Variants in GPHN observed in about 807,000 individuals in gnomAD.
GPHN encodes gephyrin.
A neutral mutation model predicts 95.5 loss-of-function variants in GPHN; 17 were observed. The ratio of observed to expected loss-of-function variants is 0.18; its 90% confidence interval spans 0.12 to 0.27. The LOEUF (loss-of-function observed/expected upper bound fraction) is 0.27, where lower values mean the gene tolerates loss of function less well. Among genes scored for constraint, GPHN ranks in the 10% least tolerant of loss-of-function variants. The pLI, the probability that GPHN is intolerant of heterozygous loss-of-function variation, is 1.00. For missense variants in GPHN, 660 were observed against 978.1 expected (o/e 0.67, Z 4.34); for synonymous variants, 320 against 322.5 (o/e 0.99, Z 0.08).
At chr14:66,842,698 T>G (rs746401299) in intron 4 of GPHN, 1 of 1,534,872 alleles carries the variant, frequency 6.5e-7, no homozygotes, top group South Asian at 1.2e-5. Flanking sequence ...CATTCCCATT[T>G]TGTGGGCTCC....
chr14:67,693,385 C>A, the GPHN span, among the ~76,000 whole-genome samples: 1 of 152,040 alleles, frequency 6.6e-6, no homozygotes, highest in Non-Finnish European at 1.5e-5. Context: ...AAGATTCAGC[C>A]CAGAAGAAGA....
intron 2 of GPHN, among the ~76,000 whole-genome samples, chr14:66,753,657 C>T (rs1055442288): frequency 3.3e-5 from 5 of 151,850 alleles, no homozygotes; most frequent in African/African-American, 1.2e-4. Flanking sequence ...GCAGCAATCA[C>T]GCAGCTAGAA....
chr14:66,927,178 GTC>G, intron 8 of GPHN, among the ~76,000 whole-genome samples: 1 of 151,934 alleles, frequency 6.6e-6, no homozygotes, highest in African/African-American at 2.4e-5. Flanking sequence ...GTGAAACCCC[GTC>G]TCTACTAAAA....
At chr14:66,688,658 G>C (rs1465114780) in intron 2 of GPHN, among the ~76,000 whole-genome samples, 1 of 152,098 alleles carries the variant, frequency 6.6e-6, no homozygotes, top group Non-Finnish European at 1.5e-5. Context: ...AACAAATTTG[G>C]ATAGTCCTTT....
At chr14:67,528,659 TC>T in the GPHN span, among the ~76,000 whole-genome samples, 1 of 152,164 alleles carries the variant, frequency 6.6e-6, no homozygotes, top group Non-Finnish European at 1.5e-5. Context: ...TCCCTCCCTC[TC>T]CTGTCCCTAT....
chr14:66,896,582 C>A (rs1275360611), intron 5 of GPHN, among the ~76,000 whole-genome samples: 1 of 151,966 alleles, frequency 6.6e-6, no homozygotes, highest in African/African-American at 2.4e-5. Flanking sequence ...ACTGCACTCG[C>A]CTGGGGTACA....
intron 2 of GPHN, among the ~76,000 whole-genome samples, chr14:66,706,340 A>T (rs2069079804): frequency 6.6e-6 from 1 of 152,196 alleles, no homozygotes; most frequent in Non-Finnish European, 1.5e-5. Flanking sequence ...ATCAAGGAAG[A>T]TCCCATATAG....
chr14:66,653,444 A>G (rs1044741983), intron 1 of GPHN, among the ~76,000 whole-genome samples: 2 of 152,188 alleles, frequency 1.3e-5, no homozygotes, highest in Admixed American at 1.3e-4. Context: ...TGTACCCTCT[A>G]TCCAGTTTCC....
At chr14:66,907,585 C>G (rs991711581) in intron 5 of GPHN, among the ~76,000 whole-genome samples, 1 of 152,004 alleles carries the variant, frequency 6.6e-6, no homozygotes, top group Non-Finnish European at 1.5e-5. Context: ...TTTGATGGAT[C>G]CCAGAAAGCA....
chr14:67,060,579 C>A (rs887814447), intron 11 of GPHN, among the ~76,000 whole-genome samples: 2 of 152,136 alleles, frequency 1.3e-5, no homozygotes, highest in African/African-American at 4.8e-5. Flanking sequence ...ATGTCAGATA[C>A]TATGTTAAGT....
At chr14:66,905,399 A>G (rs913179070) in intron 5 of GPHN, among the ~76,000 whole-genome samples, 1 of 152,034 alleles carries the variant, frequency 6.6e-6, no homozygotes, top group Admixed American at 6.6e-5. Context: ...GGGAGCTCAC[A>G]TATTGCTGTT....
At chr14:67,618,406 C>T in the GPHN span, among the ~76,000 whole-genome samples, 4 of 152,146 alleles carry the variant, frequency 2.6e-5, no homozygotes, top group Non-Finnish European at 4.4e-5. Context: ...TAGGGTCTCA[C>T]TCTGTCACTC....
chr14:67,325,979 CTTTTTTT>C, the GPHN span, among the ~76,000 whole-genome samples: 8 of 110,222 alleles, frequency 7.3e-5, no homozygotes, highest in Non-Finnish European at 1.2e-4. Flanking sequence ...CGGCTCTTTT[CTTTTTTT>C]TTTTTTTTTT....
chr14:66,921,613 A>G (rs535454908), intron 6 of GPHN, among the ~76,000 whole-genome samples: 1 of 152,316 alleles, frequency 6.6e-6, no homozygotes, highest in East Asian at 1.9e-4. Flanking sequence ...TAGAATCAAT[A>G]ATGTGAAAAT....
chr14:67,243,833 A>G, the GPHN span, among the ~76,000 whole-genome samples: 3 of 152,142 alleles, frequency 2.0e-5, no homozygotes, highest in African/African-American at 7.2e-5. Flanking sequence ...GAATCATAGG[A>G]TCGTTGAGTT....
chr14:67,206,705 T>A, the GPHN span, among the ~76,000 whole-genome samples: 1 of 152,056 alleles, frequency 6.6e-6, no homozygotes, highest in African/African-American at 2.4e-5. Flanking sequence ...TTCTGGGCAG[T>A]GGCATCAAAC....
the GPHN span, among the ~76,000 whole-genome samples, chr14:67,408,358 A>AT: frequency 3.4e-3 from 518 of 150,164 alleles, 4 homozygotes; most frequent in African/African-American, 0.012. Flanking sequence ...ATAAAATAAA[A>AT]AAAGAAAAAA....
chr14:67,007,853 G>A (rs1047610319), intron 9 of GPHN, among the ~76,000 whole-genome samples: 3 of 152,152 alleles, frequency 2.0e-5, no homozygotes, highest in African/African-American at 7.2e-5. Context: ...AGAGGGAGGA[G>A]TGATGGAAGA....
At chr14:66,704,969 A>T (rs1433833858) in intron 2 of GPHN, among the ~76,000 whole-genome samples, 1 of 98,676 alleles carries the variant, frequency 1.0e-5, no homozygotes. Context: ...ACAATAAAAA[A>T]TGATAAAGGG....
Sources: allele counts gnomAD v4.1 joint callset (sites outside exome capture counted in the v4.1 genomes callset), GRCh38; gene constraint gnomAD v4.1.1; transcripts MANE v1.5; gene names NCBI Gene and HGNC (gene_info 2026-07-23, HGNC 2026-07-21).